ZNF700: variants seen among roughly 807,000 people sequenced by gnomAD.
ZNF700 encodes the protein zinc finger protein 700.
A neutral mutation model predicts 65.3 loss-of-function variants in ZNF700; 38 were observed. The observed-to-expected ratio is 0.58, with a 90% CI of 0.45 to 0.76. ZNF700 has a LOEUF of 0.76. Among genes scored for constraint, ZNF700 ranks in the 30% least tolerant of loss-of-function variants. The pLI is 0.00. For synonymous variants in ZNF700, 285 were observed against 290.4 expected (o/e 0.98, Z 0.19); for missense variants, 857 against 888.4 (o/e 0.96, Z 0.45).
At chr19:11,944,437 G>A (rs1294459341) in intron 1 of ZNF700, among the ~76,000 whole-genome samples, 1 of 152,094 alleles carries the variant, frequency 6.6e-6, no homozygotes, top group African/African-American at 2.4e-5. Context: ...TCTGAGGTTG[G>A]TAGGCAGCAT....
In ZNF700 at chr19:11,948,842, C is replaced by A; in HGVS notation, c.818C>A (p.Thr273Asn). The A allele has an allele frequency of 6.2e-7, 1 of 1,608,990 alleles. No homozygotes were observed. The highest frequency in any genetic ancestry group is 8.5e-7 in the Non-Finnish European group (1 of 1,178,966). ...ATLQIHERTH[T>N]GEKPYECSKC... ...CTTCAAATACATGAAAGAACTCACA[C>A]TGGGGAGAAGCCCTATGAATGTAGC... Residue 273 changes from threonine (T) to asparagine (N), a missense_variant, in exon 4 of 4, where the codon ACT becomes AAT. Thr to Asn is a moderately conservative substitution (Grantham distance 65, BLOSUM62 0). Transcript: ENST00000254321.
In ZNF700 at chr19:11,949,007, A is replaced by C; in HGVS notation, c.983A>C (p.His328Pro). 1 of 1,606,398 alleles carries C rather than the reference A, an allele frequency of 6.2e-7. No individual in the cohort carries two copies. Among genetic ancestry groups the C allele is most frequent in the Non-Finnish European group, 8.5e-7 (1 of 1,178,444 alleles). Residue 328 changes from histidine to proline, a missense_variant, in exon 4 of 4, where the codon CAC (histidine) becomes CCC (proline). His to Pro is a moderately conservative substitution (Grantham distance 77). Coordinates refer to ENST00000254321, the MANE Select transcript of ZNF700 (RefSeq NM_144566.3). ...TSSLRRHERT[H>P]SGKKPYECKQ... is the part of the protein sequence containing the mutation. ...TCTCTTCGTAGACATGAAAGGACCC[A>C]CTCTGGGAAAAAACCGTATGAATGT...
In ZNF700 at chr19:11,949,656, C is replaced by T. The variant is rs912320249; in HGVS notation, c.1632C>T (p.Ala544=). The part of the protein sequence containing the change: ...KPYECNQCGK[A]FRCCNSLRYH... ...ATGAATGCAACCAATGTGGTAAAGCCTTCAGATGTTGCAATTCCCTTCGAT... is the reference window on the plus strand; with the variant it reads ...ATGAATGCAACCAATGTGGTAAAGCTTTCAGATGTTGCAATTCCCTTCGAT... The change falls in exon 4 of 4, where the codon GCC becomes GCT. Residue 544 remains alanine, a synonymous_variant. Transcript: ENST00000254321. The T allele has an allele frequency of 1.2e-6, 2 of 1,613,312 alleles. No homozygotes were observed. Among genetic ancestry groups the T allele is most frequent in the Non-Finnish European group, 1.7e-6 (2 of 1,179,856 alleles).
Position 11,947,573 on chromosome 19 carries a change from A to G in ZNF700, c.250A>G (p.Arg84Gly). 1.2e-6 allele frequency: 2 copies of G among 1,613,208 alleles called. No individual in the cohort carries two copies. Among genetic ancestry groups the G allele is most frequent in the South Asian group, 2.2e-5 (2 of 90,714 alleles). The change falls in exon 3 of 4, where the codon AGG becomes GGG. Residue 84 changes from arginine to glycine, a missense_variant and splice_region_variant. By Grantham distance (125) the Arg-to-Gly change is moderately radical. Around this residue, in one of 3 missense-constraint regions of ZNF700, gnomAD observed 603 missense variants for 619.9 expected, o/e 0.97. Transcript: ENST00000254321. ...GTACCAAAACCCCAGAAGAAGCTTC[A>G]GGTAATTTGCATTTCCAAGAGAAAG... ...YEYQNPRRSF[R>G]SLIEEKVNEI...
intron 1 of ZNF700, among the ~76,000 whole-genome samples, chr19:11,942,953 C>A (rs1045771834): frequency 1.3e-5 from 2 of 152,190 alleles, no homozygotes; most frequent in Non-Finnish European, 2.9e-5. Context: ...TTCTCACTTT[C>A]ATCCTTACTA....
chr19:11,944,250 A>G (rs1044096663), intron 1 of ZNF700, among the ~76,000 whole-genome samples: 3 of 152,130 alleles, frequency 2.0e-5, no homozygotes, highest in African/African-American at 7.2e-5. Context: ...TCCCCATACT[A>G]TGGGAGGAGG....
intron 1 of ZNF700, among the ~76,000 whole-genome samples, chr19:11,943,299 A>AACC (rs1250958869): frequency 2.0e-4 from 31 of 152,290 alleles, no homozygotes; most frequent in African/African-American, 7.2e-4. Flanking sequence ...TGGTTAGGTT[A>AACC]AATTTTCCAT....
intron 1 of ZNF700, among the ~76,000 whole-genome samples, chr19:11,936,791 A>G (rs1382376205): frequency 1.3e-5 from 2 of 152,172 alleles, no homozygotes; most frequent in Non-Finnish European, 1.5e-5. Flanking sequence ...GGTATTGCCT[A>G]GGTTTTCTTC....
intron 1 of ZNF700, among the ~76,000 whole-genome samples, chr19:11,926,013 G>A (rs909221702): frequency 2.6e-5 from 4 of 152,190 alleles, no homozygotes; most frequent in African/African-American, 2.4e-5. Context: ...AGGCACAGGT[G>A]GTTGAGGGAT....
chr19:11,930,837 T>A (rs936004599), intron 1 of ZNF700, among the ~76,000 whole-genome samples: 2 of 147,910 alleles, frequency 1.4e-5, no homozygotes, highest in African/African-American at 5.3e-5. Flanking sequence ...TCCATCTCTA[T>A]TAAAATTCAA....
intron 1 of ZNF700, chr19:11,946,937 A>G (rs1972968543): frequency 1.5e-6 from 1 of 687,556 alleles, no homozygotes; most frequent in Admixed American, 4.3e-5. Flanking sequence ...GTGGTGAGCC[A>G]ATATCACGCC....
chr19:11,938,858 C>T (rs1234015141), intron 1 of ZNF700, among the ~76,000 whole-genome samples: 32 of 152,118 alleles, frequency 2.1e-4, no homozygotes, highest in Admixed American at 2.1e-3. Flanking sequence ...TAAAAGTGTT[C>T]CTATTTCTCC....
chr19:11,945,507 G>A (rs761804624), intron 1 of ZNF700, among the ~76,000 whole-genome samples: 18 of 152,134 alleles, frequency 1.2e-4, no homozygotes, highest in Non-Finnish European at 2.5e-4. Context: ...TGCTTGAGGT[G>A]GACCTGGATT....
intron 1 of ZNF700, among the ~76,000 whole-genome samples, chr19:11,940,864 A>C (rs1912238281): frequency 6.6e-6 from 1 of 151,988 alleles, no homozygotes; most frequent in African/African-American, 2.4e-5. Flanking sequence ...GAGTGTTGAC[A>C]TAAAGGTTCT....
At chr19:11,933,801 C>T (rs8101335) in intron 1 of ZNF700, among the ~76,000 whole-genome samples, 14,974 of 143,164 alleles carry the variant, frequency 0.1, 2,769 homozygotes, top group African/African-American at 0.3. Flanking sequence ...GCTGAGATGG[C>T]GCCACTGCAC....
In ZNF700 at chr19:11,950,019, A is replaced by G. The variant is rs1216101299; in HGVS notation, c.1995A>G (p.Ile665Met). 1 of 1,614,052 alleles carries G rather than the reference A, an allele frequency of 6.2e-7. No homozygotes were observed. Among genetic ancestry groups the G allele is most frequent in the Non-Finnish European group, 8.5e-7 (1 of 1,179,986 alleles). ...TCTGTAAATTCTCTTCTTTTCAAAT[A>G]CATGAAAGGAAGCACAGAGGAGAGA... The part of the protein sequence containing the change: ...KAFCKFSSFQ[I>M]HERKHRGEKP... The change falls in exon 4 of 4, where the codon ATA becomes ATG. Residue 665 changes from isoleucine (I) to methionine (M), a missense_variant. This residue lies in a region of ZNF700 where 251 missense variants were observed against 250.3 expected (regional missense o/e 1.00). Coordinates refer to ENST00000254321, the MANE Select transcript of ZNF700 (RefSeq NM_144566.3).
intron 1 of ZNF700, among the ~76,000 whole-genome samples, chr19:11,926,029 A>C (rs974549774): frequency 2.6e-5 from 4 of 152,144 alleles, no homozygotes; most frequent in Non-Finnish European, 5.9e-5. Context: ...GGGATTCTGT[A>C]GGTGGCAGCT....
At chr19:11,932,078 G>A (rs772573722) in intron 1 of ZNF700, among the ~76,000 whole-genome samples, 64 of 147,220 alleles carry the variant, frequency 4.3e-4, no homozygotes, top group Non-Finnish European at 7.7e-4. Flanking sequence ...TCCCAAGATC[G>A]TGCCATTGCA....
At chr19:11,928,868 T>A in intron 1 of ZNF700, among the ~76,000 whole-genome samples, 1 of 147,468 alleles carries the variant, frequency 6.8e-6, no homozygotes, top group East Asian at 1.9e-4. Context: ...TGGCTTGATC[T>A]CAAGAGTTCA....
Sources: allele counts gnomAD v4.1 joint callset (sites outside exome capture counted in the v4.1 genomes callset), GRCh38; gene constraint gnomAD v4.1.1; regional missense constraint gnomAD v4.1.1; transcripts MANE v1.5; gene names NCBI Gene and HGNC (gene_info 2026-07-23, HGNC 2026-07-21).